Variants in ATP13A4 observed in about 807,000 individuals in gnomAD.
The protein encoded by ATP13A4 is ATPase 13A4.
ATP13A4 carries 114 observed loss-of-function variants against 142.5 expected under a neutral mutation model. The observed-to-expected ratio is 0.80, with a 90% CI of 0.69 to 0.93. The LOEUF is 0.93. ATP13A4 is among the 40% of genes least tolerant of loss of function. The probability of loss-of-function intolerance (pLI) is 0.00; values close to 1 mark genes in which losing one functional copy is unlikely to be tolerated. For missense variants in ATP13A4, 1,392 were observed against 1,454.0 expected (o/e 0.96, Z 0.69); for synonymous variants, 488 against 514.8 (o/e 0.95, Z 0.70).
intron 2 of ATP13A4, among the ~76,000 whole-genome samples, chr3:193,570,197 C>T (rs1340552138): frequency 6.6e-6 from 1 of 152,036 alleles, no homozygotes; most frequent in South Asian, 2.1e-4. Context: ...CCTGTAATTC[C>T]GGCTACTCAG....
chr3:193,403,092 G>T (rs148604805), intron 29 of ATP13A4, among the ~76,000 whole-genome samples: 1 of 152,286 alleles, frequency 6.6e-6, no homozygotes, highest in East Asian at 1.9e-4. Flanking sequence ...AACATTTCAA[G>T]ACTCTGGGAA....
At chr3:193,446,998 G>T (rs1716994311) in intron 18 of ATP13A4, among the ~76,000 whole-genome samples, 1 of 152,136 alleles carries the variant, frequency 6.6e-6, no homozygotes, top group Non-Finnish European at 1.5e-5. Context: ...GCATATGTAA[G>T]AAATCTAAGA....
chr3:193,431,405 A>G (rs1715962710), intron 25 of ATP13A4, among the ~76,000 whole-genome samples: 1 of 152,056 alleles, frequency 6.6e-6, no homozygotes, highest in Non-Finnish European at 1.5e-5. Context: ...CTGGAGATAT[A>G]AATTTGGGAT....
chr3:193,465,247 G>A (rs1718204353), intron 11 of ATP13A4, 119 bp from the exon 12 acceptor site: 3 of 1,105,652 alleles, frequency 2.7e-6, no homozygotes, highest in African/African-American at 1.5e-5. Context: ...GAATACAGTG[G>A]TGTGATCTCA....
chr3:193,545,934 T>C (rs1723195187), intron 1 of ATP13A4, among the ~76,000 whole-genome samples: 1 of 152,000 alleles, frequency 6.6e-6, no homozygotes, highest in African/African-American at 2.4e-5. Context: ...TTTCTTAAGA[T>C]GTTTCACAGC....
intron 23 of ATP13A4, among the ~76,000 whole-genome samples, chr3:193,436,003 G>C (rs1716245877): frequency 6.6e-6 from 1 of 152,188 alleles, no homozygotes; most frequent in Non-Finnish European, 1.5e-5. Context: ...AGTTGCTCTT[G>C]TCCTTTCAGC....
chr3:193,502,789 G>C, intron 2 of ATP13A4, 150 bp from the exon 3 acceptor site: 1 of 857,648 alleles, frequency 1.2e-6, no homozygotes, highest in Non-Finnish European at 1.8e-6. Context: ...AAAGATGATG[G>C]ATCTAGAACC....
upstream of ATP13A4, among the ~76,000 whole-genome samples, chr3:193,557,646 G>A (rs1723931517): frequency 6.6e-6 from 1 of 152,144 alleles, no homozygotes; most frequent in Non-Finnish European, 1.5e-5. Context: ...ATGAGTATTC[G>A]GACCTAGGCA....
In ATP13A4 at chr3:193,402,537, TA is replaced by T; in HGVS notation, c.*114del. On this transcript the variant is annotated 3_prime_UTR_variant, in exon 30 of 30. Coordinates refer to ENST00000342695, the MANE Select transcript of ATP13A4 (RefSeq NM_032279.4). ...ACTTTAGTTTGTCACCATGATTTGA[TA>T]GGTAGCCCCAAAACTCCAGCTGATG... 1 of 692,624 alleles carries T rather than the reference TA, an allele frequency of 1.4e-6. No individual in the cohort carries two copies. Among genetic ancestry groups the T allele is most frequent in the Non-Finnish European group, 2.6e-6 (1 of 380,968 alleles). The allele number at this position is 692,624 out of a possible 1,614,324, so 42.9% of individuals were successfully genotyped here.
chr3:193,427,647 C>T (rs1715738464), intron 25 of ATP13A4, among the ~76,000 whole-genome samples: 1 of 152,142 alleles, frequency 6.6e-6, no homozygotes, highest in African/African-American at 2.4e-5. Flanking sequence ...ACATCTACAA[C>T]CATCTGATCT....
chr3:193,521,646 C>T (rs1430273487), intron 1 of ATP13A4, among the ~76,000 whole-genome samples: 2 of 152,050 alleles, frequency 1.3e-5, no homozygotes, highest in Admixed American at 1.3e-4. Context: ...AAAAACTGCA[C>T]CTCCAGCCAG....
intron 2 of ATP13A4, among the ~76,000 whole-genome samples, chr3:193,512,951 G>C (rs558670761): frequency 6.6e-6 from 1 of 152,332 alleles, no homozygotes; most frequent in East Asian, 1.9e-4. Context: ...ACGAAGCACA[G>C]CTCCAGCTCA....
chr3:193,486,299 A>G (rs1719613685), intron 7 of ATP13A4, among the ~76,000 whole-genome samples: 2 of 152,180 alleles, frequency 1.3e-5, no homozygotes, highest in South Asian at 4.1e-4. Flanking sequence ...AATATTTTGA[A>G]GCATTTTAGT....
chr3:193,474,081 A>G (rs572029144), intron 8 of ATP13A4, among the ~76,000 whole-genome samples: 7 of 152,180 alleles, frequency 4.6e-5, no homozygotes, highest in African/African-American at 1.4e-4. Context: ...GCACTTTGGG[A>G]GGACGAGGCG....
chr3:193,554,933 T>G (rs531006565), upstream of ATP13A4: 1 of 1,599,816 alleles, frequency 6.3e-7, no homozygotes, highest in Non-Finnish European at 8.5e-7. Context: ...AACTCCTCCT[T>G]GAGCACACAC....
intron 24 of ATP13A4, 78 bp downstream of exon 24, chr3:193,435,569 TG>T (rs1716218001): frequency 2.7e-6 from 3 of 1,112,502 alleles, no homozygotes; most frequent in South Asian, 2.5e-5. Context: ...ACTCTTTCTT[TG>T]AGAGGCATTG....
At chr3:193,411,138 G>T in intron 27 of ATP13A4, 68 bp from the exon 28 acceptor site, 1 of 1,023,718 alleles carries the variant, frequency 9.8e-7, no homozygotes, top group Non-Finnish European at 1.6e-6. Context: ...TATATTGACG[G>T]ATGTATTCTA....
chr3:193,527,929 T>G (rs554728077), intron 1 of ATP13A4, among the ~76,000 whole-genome samples: 42 of 152,286 alleles, frequency 2.8e-4, no homozygotes, highest in African/African-American at 9.9e-4. Context: ...CCTGTAATTC[T>G]TGTAGCAATA....
rs115582646 is a variant in ATP13A4 at position 193,437,266 on chromosome 3, C to T, written c.2672+1209G>A. Among the ~76,000 whole-genome samples the T allele has an allele frequency of 6.7e-3, 1,017 of 151,984 alleles. 17 individuals carry two copies. The highest frequency in any genetic ancestry group is 0.023 in the African/African-American group (945 of 41,454). ...CCTTAGAGAGGTTTTCCCATACCAC[C>T]CCATCTGAAGCAGCTGCTTCCACCT... On this transcript the variant is annotated intron_variant, in intron 23 of 29. Transcript: ENST00000342695.
Sources: allele counts gnomAD v4.1 joint callset (sites outside exome capture counted in the v4.1 genomes callset), GRCh38; gene constraint gnomAD v4.1.1; transcripts MANE v1.5; gene names NCBI Gene and HGNC (gene_info 2026-07-23, HGNC 2026-07-21).